SLC25A13: variants seen among roughly 807,000 people sequenced by gnomAD.
SLC25A13 encodes the protein solute carrier family 25 member 13, also known as electrogenic aspartate/glutamate antiporter SLC25A13, mitochondrial.
In SLC25A13, 70 loss-of-function variants were observed where a neutral mutation model predicts 85.5. The ratio of observed to expected loss-of-function variants is 0.82; its 90% CI spans 0.68 to 1.00. The LOEUF is 1.00. SLC25A13 is among the 50% of genes least tolerant of loss of function. SLC25A13 has a pLI of 0.00. For synonymous variants in SLC25A13, 259 were observed against 288.7 expected, an observed-to-expected ratio of 0.90 and a Z score of 1.04; for missense variants, 765 against 819.8, an observed-to-expected ratio of 0.93 and a Z score of 0.82.
chr7:96,228,456 A>G (rs888931623), intron 4 of SLC25A13, among the ~76,000 whole-genome samples: 4 of 152,254 alleles, frequency 2.6e-5, no homozygotes, highest in Non-Finnish European at 5.9e-5. Context: ...ATATCACTAA[A>G]ATAAAAATGG....
intron 5 of SLC25A13, among the ~76,000 whole-genome samples, chr7:96,206,765 C>G (rs1032323286): frequency 1.3e-5 from 2 of 152,172 alleles, no homozygotes; most frequent in African/African-American, 4.8e-5. Context: ...GGAAACATAA[C>G]CATAGTCCCT....
intron 14 of SLC25A13, among the ~76,000 whole-genome samples, chr7:96,134,491 C>T (rs967511981): frequency 2.0e-5 from 3 of 152,012 alleles, no homozygotes; most frequent in African/African-American, 4.8e-5. Flanking sequence ...TGCTATGTGG[C>T]TTCAGTATGA....
intron 11 of SLC25A13, among the ~76,000 whole-genome samples, chr7:96,180,478 G>A (rs6979703): frequency 0.18 from 27,410 of 152,034 alleles, 2,666 homozygotes; most frequent in East Asian, 0.3. Flanking sequence ...TTACAGGCCC[G>A]CCATTATGCC....
intron 11 of SLC25A13, among the ~76,000 whole-genome samples, chr7:96,172,603 A>G (rs1794050301): frequency 6.6e-6 from 1 of 151,778 alleles, no homozygotes; most frequent in Non-Finnish European, 1.5e-5. Context: ...CAGTCAGTTC[A>G]TGGGCTCAGT....
chr7:96,152,130 G>C (rs1351641980), intron 13 of SLC25A13, among the ~76,000 whole-genome samples: 2 of 152,132 alleles, frequency 1.3e-5, no homozygotes, highest in Admixed American at 1.3e-4. Context: ...TTTTGCTCTA[G>C]ATGGCATGGA....
intron 2 of SLC25A13, among the ~76,000 whole-genome samples, chr7:96,287,343 T>C (rs914762585): frequency 1.3e-5 from 2 of 152,184 alleles, no homozygotes; most frequent in Non-Finnish European, 2.9e-5. Context: ...TGACGTCATC[T>C]CTTAGGACTC....
intron 2 of SLC25A13, among the ~76,000 whole-genome samples, chr7:96,281,999 T>C (rs1798698906): frequency 6.6e-6 from 1 of 152,160 alleles, no homozygotes; most frequent in Non-Finnish European, 1.5e-5. Flanking sequence ...AGAGGGTCCC[T>C]ATAGGGGGAA....
At chr7:96,287,919 G>T (rs1161582368) in intron 2 of SLC25A13, among the ~76,000 whole-genome samples, 1 of 152,148 alleles carries the variant, frequency 6.6e-6, no homozygotes, top group African/African-American at 2.4e-5. Context: ...TTACTTTTCT[G>T]CAAGTGATCT....
intron 13 of SLC25A13, among the ~76,000 whole-genome samples, chr7:96,159,728 T>G (rs1793430978): frequency 6.6e-6 from 1 of 152,136 alleles, no homozygotes; most frequent in African/African-American, 2.4e-5. Context: ...AATAAAACTC[T>G]TAAGTGAAAA....
intron 14 of SLC25A13, among the ~76,000 whole-genome samples, chr7:96,146,343 C>T (rs1293952198): frequency 6.6e-6 from 1 of 151,880 alleles, no homozygotes; most frequent in Non-Finnish European, 1.5e-5. Context: ...CATAGTCATC[C>T]TAGATTTGTG....
intron 15 of SLC25A13, among the ~76,000 whole-genome samples, chr7:96,125,785 CAT>C (rs1373581980): frequency 4.0e-5 from 6 of 149,438 alleles, no homozygotes; most frequent in Admixed American, 6.6e-5. Context: ...TTATTTTCCA[CAT>C]GTCTAAATTT....
intron 4 of SLC25A13, among the ~76,000 whole-genome samples, chr7:96,227,360 A>G (rs1796361566): frequency 6.6e-6 from 1 of 152,226 alleles, no homozygotes; most frequent in African/African-American, 2.4e-5. Flanking sequence ...ACATTTATTT[A>G]TACATATACA....
At chr7:96,219,606 A>G (rs2116756237) in intron 4 of SLC25A13, 1 of 496,956 alleles carries the variant, frequency 2.0e-6, no homozygotes, top group South Asian at 1.5e-5. Flanking sequence ...TAGGAACTAC[A>G]TTCCCTTGGA....
At chr7:96,225,738 C>T (rs568328428) in intron 4 of SLC25A13, among the ~76,000 whole-genome samples, 1 of 152,218 alleles carries the variant, frequency 6.6e-6, no homozygotes, top group South Asian at 2.1e-4. Flanking sequence ...AGTATTAATG[C>T]ATCTTTGGTC....
At chr7:96,321,819 G>T (rs1800357893) in intron 1 of SLC25A13, 123 bp downstream of exon 1, 1 of 1,273,022 alleles carries the variant, frequency 7.9e-7, no homozygotes, top group Non-Finnish European at 1.0e-6. Context: ...AGGTGGAACG[G>T]CTGCCCGGCA....
rs375699319 is a variant in SLC25A13, at chr7:96,266,822, T to C, written c.212+10374A>G. ...AAAGAAAGGGGGTTAATCAGACACC[T>C]TGAGAGAAAGGAAAAAATAACACTG... On this transcript the variant is annotated intron_variant, in intron 3 of 17. Coordinates refer to ENST00000265631, the MANE Select transcript of SLC25A13 (RefSeq NM_014251.3). 3.4e-4 allele frequency among the ~76,000 whole-genome samples: 51 copies of C among 152,182 alleles called. No homozygotes were observed. The East Asian group carries it at 5.2e-3, about 16-fold the overall frequency.
chr7:96,305,212 T>C (rs1799700176), intron 1 of SLC25A13, among the ~76,000 whole-genome samples: 1 of 152,156 alleles, frequency 6.6e-6, no homozygotes, highest in Non-Finnish European at 1.5e-5. Context: ...AAATGACCCC[T>C]GAGCTCAGGT....
chr7:96,135,730 C>CT (rs1176753431), intron 14 of SLC25A13, among the ~76,000 whole-genome samples: 1 of 152,060 alleles, frequency 6.6e-6, no homozygotes, highest in Admixed American at 6.5e-5. Flanking sequence ...GCCCTAGAGC[C>CT]TGCATCAGCA....
chr7:96,284,955 T>C (rs1798831566), intron 2 of SLC25A13, among the ~76,000 whole-genome samples: 2 of 152,334 alleles, frequency 1.3e-5, no homozygotes, highest in South Asian at 4.1e-4. Context: ...CCATAGCTAC[T>C]GGCTCCCTCT....
Sources: gnomAD v4.1 joint callset for allele counts (sites outside exome capture counted in the v4.1 genomes callset) on GRCh38, gnomAD v4.1.1 for gene constraint, MANE v1.5 for transcripts, NCBI Gene and HGNC (gene_info 2026-07-23, HGNC 2026-07-21) for gene names.